The following ANKRD65 variants were observed in gnomAD, a reference collection of about 807,000 sequenced individuals.
ANKRD65 encodes the protein ankyrin repeat domain 65, also known as ankyrin repeat domain-containing protein 65.
ANKRD65 carries 26 observed loss-of-function variants against 17.2 expected under a neutral mutation model. The observed-to-expected ratio is 1.51, with a 90% CI of 1.11 to 2.09. The LOEUF is 2.09. Ranked by LOEUF, ANKRD65 falls within the 30% of genes most tolerant of loss-of-function variation. The probability of loss-of-function intolerance (pLI) is 0.00; values close to 1 mark genes in which losing one functional copy is unlikely to be tolerated. For missense variants in ANKRD65, 621 were observed against 542.2 expected, an observed-to-expected ratio of 1.15 and a Z score of -1.44; for synonymous variants, 311 against 272.2, an observed-to-expected ratio of 1.14 and a Z score of -1.40.
chr1:1,419,633 T>G, intron 3 of ANKRD65, 84 bp from the exon 4 acceptor site: 1 of 1,288,664 alleles, frequency 7.8e-7, no homozygotes, highest in Admixed American at 2.7e-5. Context: ...AGCCCAGGCC[T>G]CTTCTGTCCC....
Position 1,419,316 on chromosome 1 carries a change from C to T in ANKRD65, c.984G>A (p.Val328=). Residue 328 remains valine, a synonymous_variant, in exon 4 of 4, where the codon GTG becomes GTA. Coordinates refer to ENST00000537107, the MANE Select transcript of ANKRD65 (RefSeq NM_001145210.3). The part of the protein sequence containing the change: ...AGCLLDRGAQ[V]DATGWLRKTP... ...TCTTTCGGAGCCAGCCGGTAGCATCCACCTGGGCACCCCTGTCCAGCAGGC... is the reference window on the plus strand; with the variant it reads ...TCTTTCGGAGCCAGCCGGTAGCATCTACCTGGGCACCCCTGTCCAGCAGGC... 2 of 1,550,396 alleles carry T rather than the reference C, an allele frequency of 1.3e-6. No homozygotes were observed. Among genetic ancestry groups the T allele is most frequent in the Non-Finnish European group, 1.7e-6 (2 of 1,146,862 alleles).
chr1:1,419,202 C>T lies in ANKRD65; in HGVS notation c.1098G>A (p.Gln366=). 2 of 1,549,548 alleles carry T rather than the reference C, an allele frequency of 1.3e-6. No homozygotes were observed. Among genetic ancestry groups the T allele is most frequent in the South Asian group, 1.2e-5 (1 of 84,028 alleles). ...CAGGCATCTGGGCCACCTCGGCCCA[C>T]TGCGTCCGCAGAGTGGGGCTGGCCC... is the stretch of plus-strand genomic sequence containing the variant. ...SRGASPTLRT[Q]WAEVAQMPEG... is the part of the protein sequence containing the mutation. The change falls in exon 4 of 4, where the codon CAG becomes CAA. Residue 366 remains glutamine, a synonymous_variant. Transcript: ENST00000537107.
rs1645482513 is a variant in ANKRD65 at position 1,418,431 on chromosome 1, A to G, written c.*669T>C. ...TCTCAGACACCCAGTTGTAGAAGGA[A>G]GGGCTTTATTCAGCTGGGAGCATCG... On this transcript the variant is annotated 3_prime_UTR_variant, in exon 4 of 4. Transcript: ENST00000537107. 1 of 152,270 alleles carries G rather than the reference A, an allele frequency of 6.6e-6. No homozygotes were observed. The highest frequency in any genetic ancestry group is 2.4e-5 in the African/African-American group (1 of 41,474). 9.4% of individuals were successfully genotyped at this position (152,270 alleles called of 1,614,324 possible).
Position 1,421,119 on chromosome 1 carries a change from C to A in ANKRD65, c.-1+14G>T, listed in dbSNP as rs1305683140. 1 of 1,098,316 alleles carries A rather than the reference C, an allele frequency of 9.1e-7. No individual in the cohort carries two copies. The highest frequency in any genetic ancestry group is 1.6e-5 in the African/African-American group (1 of 63,240). 68.0% of individuals were successfully genotyped at this position (1,098,316 alleles called of 1,614,324 possible). A position where few individuals can be genotyped will look rare whatever the true frequency, so the allele number is the denominator to read the frequency against. On this transcript the variant is annotated intron_variant, in intron 1 of 3. Coordinates refer to ENST00000537107, the MANE Select transcript of ANKRD65 (RefSeq NM_001145210.3). ...AGTTACCACTTAGCCTTCAGAGGGG[C>A]TTGGCTCTGTTACCCAAGGGAGCTG... is the stretch of plus-strand genomic sequence containing the variant.
rs373784038 is a variant in ANKRD65, at chr1:1,419,901, T to C, written c.750+151A>G. 935 of 916,526 alleles carry C rather than the reference T, an allele frequency of 1.0e-3. 5 individuals carry two copies. In the African/African-American group the frequency reaches 0.013, roughly 12 times the overall value. The allele number at this position is 916,526 out of a possible 1,614,324, so 56.8% of individuals were successfully genotyped here. On this transcript the variant is annotated intron_variant, in intron 3 of 3. Transcript: ENST00000537107. ...CGCCCTGGTCTCCACGGGACGGGGC[T>C]ACACCGGAGGGGCACAGCCGGGGGC...
intron 1 of ANKRD65, 50 bp from the exon 2 acceptor site, chr1:1,421,055 C>T: frequency 6.6e-7 from 1 of 1,522,494 alleles, no homozygotes; most frequent in Non-Finnish European, 8.9e-7. Context: ...TCTGGCCTGC[C>T]CCCAGCCGTG....
At position 1,419,206 on chromosome 1, in the gene ANKRD65, G is replaced by C. The variant is rs530682440; in HGVS notation, c.1094C>G (p.Thr365Arg). ...CATCTGGGCCACCTCGGCCCACTGC[G>C]TCCGCAGAGTGGGGCTGGCCCCTCG... ...LSRGASPTLR[T>R]QWAEVAQMPE... Residue 365 changes from threonine to arginine, a missense_variant, in exon 4 of 4, where the codon ACG becomes AGG. By Grantham distance (71) the Thr-to-Arg change is moderately conservative. Transcript: ENST00000537107. 1.3e-6 allele frequency: 2 copies of C among 1,549,830 alleles called. No individual in the cohort carries two copies. Among genetic ancestry groups the C allele is most frequent in the South Asian group, 1.2e-5 (1 of 84,034 alleles).
In ANKRD65 at chr1:1,418,752, A is replaced by C. The variant is rs1330539855; in HGVS notation, c.*348T>G. 4.7e-6 allele frequency: 1 copy of C among 213,422 alleles called. No individual in the cohort carries two copies. The highest frequency in any genetic ancestry group is 9.2e-6 in the Non-Finnish European group (1 of 108,336). The allele number at this position is 213,422 out of a possible 1,614,324, so 13.2% of individuals were successfully genotyped here. On this transcript the variant is annotated 3_prime_UTR_variant, in exon 4 of 4. Transcript: ENST00000537107. Reference sequence around the variant, plus strand: ...CAGGCGCAGGCCTGGTTTCGGGCCTAGCGCCAGGCTGCCTGCCTGTCTTTG... The same window carrying C: ...CAGGCGCAGGCCTGGTTTCGGGCCTCGCGCCAGGCTGCCTGCCTGTCTTTG...
intron 3 of ANKRD65, 100 bp downstream of exon 3, chr1:1,419,952 A>G: frequency 8.7e-7 from 1 of 1,154,760 alleles, no homozygotes; most frequent in East Asian, 3.7e-5. Context: ...GTGCCTGGAC[A>G]CCGTCCCCCA....
chr1:1,419,556 G>A lies in ANKRD65; in HGVS notation c.751-7C>T, dbSNP rs765756394. Reference sequence around the variant, plus strand: ...CCAGCAGCACCTCAATGTCCTAGAAGAGGAGAGAAAAGCAGGGGCCGGCCT... The same window carrying A: ...CCAGCAGCACCTCAATGTCCTAGAAAAGGAGAGAAAAGCAGGGGCCGGCCT... On this transcript the variant is annotated splice_region_variant and splice_polypyrimidine_tract_variant and intron_variant, in intron 3 of 3. Transcript: ENST00000537107. 16 of 1,516,834 alleles carry A rather than the reference G, an allele frequency of 1.1e-5. 1 individual carries two copies. The East Asian group carries it at 1.7e-4, about 16-fold the overall frequency. 94.0% of individuals were successfully genotyped at this position (1,516,834 alleles called of 1,614,324 possible). A position where few individuals can be genotyped will look rare whatever the true frequency, so the allele number is the denominator to read the frequency against.
In ANKRD65 at chr1:1,421,242, T is replaced by C; in HGVS notation, c.-110A>G. On this transcript the variant is annotated 5_prime_UTR_variant, in exon 1 of 4. Coordinates refer to ENST00000537107, the MANE Select transcript of ANKRD65 (RefSeq NM_001145210.3). ...TCTTCACAAAATCCCTTCTGCAGGC[T>C]TTGGGGTGGAGTGTCTGCTGCTGAA... is the stretch of plus-strand genomic sequence containing the variant. 1.8e-6 allele frequency: 1 copy of C among 557,332 alleles called. No individual in the cohort carries two copies. Among genetic ancestry groups the C allele is most frequent in the Non-Finnish European group, 3.2e-6 (1 of 312,300 alleles). 34.5% of individuals were successfully genotyped at this position (557,332 alleles called of 1,614,324 possible).
In ANKRD65 at chr1:1,419,120, CCT is replaced by C; in HGVS notation, c.1178_1179del (p.Glu393GlyfsTer52). The C allele has an allele frequency of 2.0e-6, 3 of 1,519,344 alleles. No individual in the cohort carries two copies. The highest frequency in any genetic ancestry group is 2.7e-6 in the Non-Finnish European group (3 of 1,127,384). The allele number at this position is 1,519,344 out of a possible 1,614,324, so 94.1% of individuals were successfully genotyped here. A position where few individuals can be genotyped will look rare whatever the true frequency, so the allele number is the denominator to read the frequency against. On this transcript the variant is annotated frameshift_variant, in exon 4 of 4. Coordinates refer to ENST00000537107, the MANE Select transcript of ANKRD65 (RefSeq NM_001145210.3). LOFTEE classifies it low-confidence loss of function (END_TRUNC). ...CTGGCTCAGCCCGTGGACTCTATGC[CCT>C]CACACTCCTTCTCCCCCCCTCCAAG... is the stretch of plus-strand genomic sequence containing the variant. ...PELGGGEKEC[E>X]GIESTG is the part of the protein sequence containing the mutation.
intron 3 of ANKRD65, 77 bp from the exon 4 acceptor site, chr1:1,419,626 C>G: frequency 7.4e-7 from 1 of 1,344,892 alleles, no homozygotes; most frequent in South Asian, 1.5e-5. Flanking sequence ...TTTGCCCAGC[C>G]CAGGCCTCTT....
In ANKRD65 at chr1:1,418,586, G is replaced by A. The variant is rs1189242223; in HGVS notation, c.*514C>T. On this transcript the variant is annotated 3_prime_UTR_variant, in exon 4 of 4. Transcript: ENST00000537107. Reference sequence around the variant, plus strand: ...GAGCAAGCAGGCGGTACGTGACAGGGGCTGCATGCACCGGCGGTCAGAGAG... The same window carrying A: ...GAGCAAGCAGGCGGTACGTGACAGGAGCTGCATGCACCGGCGGTCAGAGAG... The A allele has an allele frequency of 6.5e-6, 1 of 152,716 alleles. No homozygotes were observed. Among genetic ancestry groups the A allele is most frequent in the African/African-American group, 2.4e-5 (1 of 41,472 alleles). The allele number at this position is 152,716 out of a possible 1,614,324, so 9.5% of individuals were successfully genotyped here.
intron 2 of ANKRD65, 57 bp downstream of exon 2, chr1:1,420,740 A>AC: frequency 1.6e-6 from 2 of 1,251,684 alleles, no homozygotes; most frequent in Non-Finnish European, 2.1e-6. Flanking sequence ...CAGTGCTGGG[A>AC]CCCCCATCCT....
In ANKRD65 at chr1:1,418,956, T is replaced by A; in HGVS notation, c.*144A>T. ...CCATCCCTGGTCCAGCCAAGGCCTG[T>A]GACTGCAGCTCAAGCCACATCCCCT... On this transcript the variant is annotated 3_prime_UTR_variant, in exon 4 of 4. Coordinates refer to ENST00000537107, the MANE Select transcript of ANKRD65 (RefSeq NM_001145210.3). The A allele has an allele frequency of 1.0e-6, 1 of 987,742 alleles. No individual in the cohort carries two copies. Among genetic ancestry groups the A allele is most frequent in the East Asian group, 2.7e-5 (1 of 37,536 alleles). The allele number at this position is 987,742 out of a possible 1,614,324, so 61.2% of individuals were successfully genotyped here.
In ANKRD65 at chr1:1,419,544, A is replaced by C; in HGVS notation, c.756T>G (p.Ile252Met). ...LAAALGRSQD[I>M]EVLLGHGADP... ...CTGCCCCGTGGCCCAGCAGCACCTC[A>C]ATGTCCTAGAAGAGGAGAGAAAAGC... The change falls in exon 4 of 4, where the codon ATT becomes ATG. Residue 252 changes from isoleucine to methionine, a missense_variant. Ile to Met is a conservative substitution (Grantham distance 10). Transcript: ENST00000537107. 1 of 1,529,712 alleles carries C rather than the reference A, an allele frequency of 6.5e-7. No individual in the cohort carries two copies. Among genetic ancestry groups the C allele is most frequent in the Non-Finnish European group, 8.8e-7 (1 of 1,141,066 alleles). 94.8% of individuals were successfully genotyped at this position (1,529,712 alleles called of 1,614,324 possible). A position where few individuals can be genotyped will look rare whatever the true frequency, so the allele number is the denominator to read the frequency against.
rs1177825787 is a variant in ANKRD65 at position 1,419,511 on chromosome 1, G to A, written c.789C>T (p.Gly263=). The change falls in exon 4 of 4, where the codon GGC becomes GGT. Residue 263 remains glycine, a synonymous_variant. Transcript: ENST00000537107. ...CAGAGCGGCCATGCCTGTCCCTGATGCCTGGGTCTGCCCCGTGGCCCAGCA... is the reference window on the plus strand; with the variant it reads ...CAGAGCGGCCATGCCTGTCCCTGATACCTGGGTCTGCCCCGTGGCCCAGCA... ...EVLLGHGADP[G]IRDRHGRSAL... 1 of 1,541,348 alleles carries A rather than the reference G, an allele frequency of 6.5e-7. No individual in the cohort carries two copies. Among genetic ancestry groups the A allele is most frequent in the Non-Finnish European group, 8.7e-7 (1 of 1,145,696 alleles).
chr1:1,421,043 C>A, intron 1 of ANKRD65, 38 bp from the exon 2 acceptor site: 1 of 1,543,954 alleles, frequency 6.5e-7, no homozygotes, highest in East Asian at 2.4e-5. Flanking sequence ...ACTGTGGAGG[C>A]CTCTGGCCTG....
Sources: allele counts gnomAD v4.1 joint callset, GRCh38; gene constraint gnomAD v4.1.1; transcripts MANE v1.5; gene names NCBI Gene and HGNC (gene_info 2026-07-23, HGNC 2026-07-21).